The following ROR2 variants were observed in gnomAD, a reference collection of about 807,000 sequenced individuals.
ROR2 encodes ROR family WNT receptor 2.
In ROR2, 33 loss-of-function variants were observed where a neutral mutation model predicts 74.9. The ratio of observed to expected loss-of-function variants is 0.44; its 90% CI spans 0.33 to 0.59. The LOEUF is 0.59. ROR2 is among the 20% of genes least tolerant of loss of function. The pLI, the probability that ROR2 is intolerant of heterozygous loss-of-function variation, is 0.02. For synonymous variants in ROR2, 586 were observed against 558.7 expected, an observed-to-expected ratio of 1.05 and a Z score of -0.69; for missense variants, 1,216 against 1,313.8, an observed-to-expected ratio of 0.93 and a Z score of 1.15.
intron 3 of ROR2, 107 bp from the exon 4 acceptor site, chr9:91,756,208 G>A: frequency 9.3e-7 from 1 of 1,078,506 alleles, no homozygotes; most frequent in African/African-American, 1.6e-5. Flanking sequence ...CGGGCTCACT[G>A]GTGGGCAGCT....
intron 4 of ROR2, chr9:91,755,809 C>T: frequency 1.7e-6 from 1 of 578,350 alleles, no homozygotes; most frequent in East Asian, 2.9e-5. Flanking sequence ...ATTTATACTC[C>T]TCTCAGTAGC....
intron 2 of ROR2, among the ~76,000 whole-genome samples, chr9:91,770,963 C>G (rs7872353): frequency 0.098 from 14,944 of 152,232 alleles, 830 homozygotes; most frequent in Middle Eastern, 0.15. Context: ...TAGGCATGGT[C>G]TCCATGTCAG....
At chr9:91,735,606 C>CTTTTTTTTTTTTTTTTTTTTTTTTTTTTT (rs35146225) in intron 5 of ROR2, among the ~76,000 whole-genome samples, 9 of 79,010 alleles carry the variant, frequency 1.1e-4, no homozygotes, top group East Asian at 5.0e-4. Context: ...AGGGCTCTAA[C>CTTTTTTTTTTTTTTTTTTTTTTTTTTTTT]TTTTTTTTTT....
At chr9:91,763,889 ACT>A (rs1235270717) in intron 2 of ROR2, among the ~76,000 whole-genome samples, 1 of 152,232 alleles carries the variant, frequency 6.6e-6, no homozygotes, top group African/African-American at 2.4e-5. Flanking sequence ...CTTTGAAGCC[ACT>A]GAGATATGCT....
chr9:91,941,185 G>A (rs994921241), intron 1 of ROR2, among the ~76,000 whole-genome samples: 2 of 151,348 alleles, frequency 1.3e-5, no homozygotes, highest in African/African-American at 4.9e-5. Context: ...TTTTAGTAGA[G>A]ACGGGGTTTC....
In ROR2 at chr9:91,876,046, G is replaced by A. The variant is rs551710365; in HGVS notation, c.97+73821C>T. 2.7e-3 allele frequency among the ~76,000 whole-genome samples: 388 copies of A among 146,236 alleles called. 1 individual carries two copies. Among genetic ancestry groups the A allele is most frequent in the African/African-American group, 9.7e-3 (360 of 37,242 alleles). On this transcript the variant is annotated intron_variant, in intron 1 of 8. Transcript: ENST00000375708. Reference sequence around the variant, plus strand: ...CTACCTTTCTCCTAATCCCTGCAGGGGGCAAAAAAAAAAAAAAGTGTGTTT... The same window carrying A: ...CTACCTTTCTCCTAATCCCTGCAGGAGGCAAAAAAAAAAAAAAGTGTGTTT...
intron 1 of ROR2, among the ~76,000 whole-genome samples, chr9:91,940,112 G>A (rs1258742552): frequency 2.0e-5 from 3 of 152,176 alleles, no homozygotes; most frequent in Non-Finnish European, 4.4e-5. Context: ...GGGAACCCCA[G>A]AGCACAGCTG....
intron 4 of ROR2, among the ~76,000 whole-genome samples, chr9:91,754,245 A>G (rs1825671592): frequency 6.6e-6 from 1 of 150,496 alleles, no homozygotes; most frequent in South Asian, 2.1e-4. Flanking sequence ...TGAATGTTTA[A>G]TATTTGTATA....
intron 7 of ROR2, among the ~76,000 whole-genome samples, chr9:91,729,229 T>C (rs1194581302): frequency 6.6e-6 from 1 of 152,196 alleles, no homozygotes; most frequent in Non-Finnish European, 1.5e-5. Context: ...CCCACTCATT[T>C]TCCTTTTGCC....
chr9:91,726,396 A>C, intron 8 of ROR2, 145 bp downstream of exon 8: 1 of 824,974 alleles, frequency 1.2e-6, no homozygotes, highest in South Asian at 1.5e-5. Context: ...AGTTTACAGA[A>C]AAAAAAAATG....
At chr9:91,937,770 G>A (rs1206517965) in intron 1 of ROR2, among the ~76,000 whole-genome samples, 2 of 152,172 alleles carry the variant, frequency 1.3e-5, no homozygotes, top group Non-Finnish European at 2.9e-5. Flanking sequence ...AGGCTGGAGT[G>A]CAGTGATCAC....
intron 1 of ROR2, among the ~76,000 whole-genome samples, chr9:91,907,127 T>G (rs76515420): frequency 1.3e-5 from 2 of 152,182 alleles, no homozygotes; most frequent in Non-Finnish European, 2.9e-5. Flanking sequence ...CAGCAGCGTA[T>G]GAAATCCGTT....
At chr9:91,811,217 G>T (rs186832404) in intron 1 of ROR2, among the ~76,000 whole-genome samples, 2 of 152,218 alleles carry the variant, frequency 1.3e-5, no homozygotes, top group African/African-American at 4.8e-5. Context: ...CCAGCCCTCC[G>T]TGCAGTAGTG....
intron 1 of ROR2, among the ~76,000 whole-genome samples, chr9:91,870,696 G>C (rs1357923306): frequency 6.6e-6 from 1 of 152,158 alleles, no homozygotes; most frequent in Non-Finnish European, 1.5e-5. Context: ...GTGTCAAAAA[G>C]AAAAAACCTC....
rs553073646 is a variant in ROR2, at chr9:91,814,304, C to T, written c.98-38486G>A. 1.6e-3 allele frequency among the ~76,000 whole-genome samples: 249 copies of T among 152,336 alleles called. 1 individual carries two copies. Among genetic ancestry groups the T allele is most frequent in the Non-Finnish European group, 3.0e-3 (202 of 68,036 alleles). ...AAGGCATCCCTCTGCCTCTAGAAGG[C>T]AACAGCCTGGCTCTGTCACTTCCCC... On this transcript the variant is annotated intron_variant, in intron 1 of 8. Transcript: ENST00000375708.
In ROR2 at chr9:91,891,921, A is replaced by C. The variant is rs148185453; in HGVS notation, c.97+57946T>G. On this transcript the variant is annotated intron_variant, in intron 1 of 8. Transcript: ENST00000375708. The stretch of plus-strand genomic sequence containing the variant: ...AAATTAGCCAGGCGTGGTGGTGGAC[A>C]CCTGTAGTCCCAGCTACTTAGGAGA... Among the ~76,000 whole-genome samples the C allele has an allele frequency of 2.6e-3, 391 of 152,160 alleles. 1 individual carries two copies. The highest frequency in any genetic ancestry group is 4.1e-3 in the Non-Finnish European group (280 of 67,990).
intron 2 of ROR2, among the ~76,000 whole-genome samples, chr9:91,762,595 T>TA (rs1018161809): frequency 3.9e-5 from 6 of 152,100 alleles, no homozygotes; most frequent in Admixed American, 6.5e-5. Context: ...TTTGAACACT[T>TA]AAAAAAAATT....
At chr9:91,808,986 GA>G (rs1422877093) in intron 1 of ROR2, among the ~76,000 whole-genome samples, 1 of 150,328 alleles carries the variant, frequency 6.7e-6, no homozygotes, top group Non-Finnish European at 1.5e-5. Context: ...CTGGGCAACA[GA>G]GTGAGACTCC....
At chr9:91,755,494 A>C (rs1825719963) in intron 4 of ROR2, among the ~76,000 whole-genome samples, 1 of 152,070 alleles carries the variant, frequency 6.6e-6, no homozygotes, top group Non-Finnish European at 1.5e-5. Context: ...TTCAGAGGGG[A>C]CTCTCCCAAG....
Sources: gnomAD v4.1 joint callset for allele counts (sites outside exome capture counted in the v4.1 genomes callset) on GRCh38, gnomAD v4.1.1 for gene constraint, MANE v1.5 for transcripts, NCBI Gene and HGNC (gene_info 2026-07-23, HGNC 2026-07-21) for gene names.